The following PHLPP2 variants were observed in gnomAD, a reference collection of about 807,000 sequenced individuals.
The protein encoded by PHLPP2 is PH domain leucine-rich repeat-containing protein phosphatase 2.
A neutral mutation model predicts 124.9 loss-of-function variants in PHLPP2; 66 were observed. The observed-to-expected ratio is 0.53, with a 90% CI of 0.43 to 0.65. The LOEUF is 0.65. PHLPP2 is among the 30% of genes least tolerant of loss of function. The pLI, the probability that PHLPP2 is intolerant of heterozygous loss-of-function variation, is 0.00. For missense variants in PHLPP2, 1,685 were observed against 1,600.4 expected (o/e 1.05, Z -0.90); for synonymous variants, 681 against 624.7 (o/e 1.09, Z -1.34).
intron 2 of PHLPP2, among the ~76,000 whole-genome samples, chr16:71,713,134 T>C (rs1356897704): frequency 2.0e-5 from 3 of 152,040 alleles, no homozygotes; most frequent in Non-Finnish European, 4.4e-5. Context: ...GAAATGAAAA[T>C]TAAAATAACA....
chr16:71,685,264 T>C (rs1307738166), intron 4 of PHLPP2, among the ~76,000 whole-genome samples: 1 of 151,882 alleles, frequency 6.6e-6, no homozygotes, highest in Admixed American at 6.6e-5. Flanking sequence ...GGGGCGGAGG[T>C]TGCAGCAAGC....
At chr16:71,677,439 G>C (rs1475625010) in intron 8 of PHLPP2, 1 of 129,586 alleles carries the variant, frequency 7.7e-6, no homozygotes, top group Admixed American at 7.9e-5. Flanking sequence ...TAACAGACAA[G>C]GAAATAATCT....
In PHLPP2 at chr16:71,669,279, C is replaced by A; in HGVS notation, c.1624G>T (p.Val542Leu). 6 of 1,604,438 alleles carry A rather than the reference C, an allele frequency of 3.7e-6. No individual in the cohort carries two copies. Among genetic ancestry groups the A allele is most frequent in the Non-Finnish European group, 5.1e-6 (6 of 1,172,684 alleles). Residue 542 changes from valine (V) to leucine (L), a missense_variant, in exon 11 of 19, where the codon GTG (valine) becomes TTG (leucine). Physicochemically the swap from Val to Leu is conservative, Grantham distance 32. Transcript: ENST00000568954. ...TATGCATCCAGGCACACATACCTCA[C>A]GGGAACCTCTGTGAGAAGATTATAG... The part of the protein sequence containing the change: ...VSYNLLTEVP[V>L]RILSSLSLRK...
rs1452774723 is a variant in PHLPP2 at position 71,649,057 on chromosome 16, A to G, written c.3805T>C (p.Phe1269Leu). 1 of 1,614,022 alleles carries G rather than the reference A, an allele frequency of 6.2e-7. No homozygotes were observed. Among genetic ancestry groups the G allele is most frequent in the Non-Finnish European group, 8.5e-7 (1 of 1,180,030 alleles). The change falls in exon 19 of 19, where the codon TTT becomes CTT. Residue 1269 changes from phenylalanine (F) to leucine (L), a missense_variant. Physicochemically the swap from Phe to Leu is conservative, Grantham distance 22. Transcript: ENST00000568954. The part of the protein sequence containing the change: ...TEVPKRKTGY[F>L]AAPTQMEPED... ...GGTTCCATCTGAGTGGGGGCAGCAA[A>G]ATAGCCAGTTTTCCTCTTGGGCACT... is the stretch of plus-strand genomic sequence containing the variant.
intron 11 of PHLPP2, among the ~76,000 whole-genome samples, chr16:71,667,588 C>A (rs1181728551): frequency 1.3e-5 from 2 of 152,128 alleles, no homozygotes; most frequent in African/African-American, 4.8e-5. Flanking sequence ...GAGATCTATA[C>A]TAAAAAGGCA....
chr16:71,721,851 C>T (rs1026922065), intron 1 of PHLPP2, among the ~76,000 whole-genome samples: 2 of 152,118 alleles, frequency 1.3e-5, no homozygotes, highest in African/African-American at 4.8e-5. Flanking sequence ...TCTGGGGGCA[C>T]ATTTTGAAGG....
At chr16:71,688,333 A>G (rs573121531) in intron 4 of PHLPP2, among the ~76,000 whole-genome samples, 19 of 152,314 alleles carry the variant, frequency 1.2e-4, no homozygotes, top group Middle Eastern at 3.4e-3. Flanking sequence ...CTCTTCATCA[A>G]TTCTCTCTTT....
At chr16:71,673,818 C>T (rs2044916740) in intron 9 of PHLPP2, among the ~76,000 whole-genome samples, 1 of 152,106 alleles carries the variant, frequency 6.6e-6, no homozygotes, top group Non-Finnish European at 1.5e-5. Flanking sequence ...ACAGCTAGGA[C>T]TTACTACAAT....
rs766949539 is a variant in PHLPP2, at chr16:71,681,910, A to G, written c.736-5T>C. The stretch of plus-strand genomic sequence containing the variant: ...ACTGATTCGCTGGGACACCACCTGA[A>G]TAATGTCAAAGAGAAGAGCCTTCTG... On this transcript the variant is annotated splice_polypyrimidine_tract_variant and splice_region_variant and intron_variant, in intron 5 of 18. Transcript: ENST00000568954. The G allele has an allele frequency of 6.3e-6, 10 of 1,595,112 alleles. No homozygotes were observed. The highest frequency in any genetic ancestry group is 5.2e-5 in the Admixed American group (3 of 57,704).
intron 16 of PHLPP2, among the ~76,000 whole-genome samples, 156 bp from the exon 17 acceptor site, chr16:71,655,590 C>T (rs1207094373): frequency 6.6e-6 from 1 of 151,294 alleles, no homozygotes; most frequent in Non-Finnish European, 1.5e-5. Flanking sequence ...GCAAGCTCCA[C>T]CTCCCAGGTT....
chr16:71,671,532 T>C (rs991206163), intron 10 of PHLPP2, among the ~76,000 whole-genome samples: 5 of 151,932 alleles, frequency 3.3e-5, no homozygotes, highest in African/African-American at 1.2e-4. Flanking sequence ...GAATAAAAAG[T>C]AATAAAATCC....
At chr16:71,682,733 G>C (rs917175536) in intron 5 of PHLPP2, among the ~76,000 whole-genome samples, 2 of 152,134 alleles carry the variant, frequency 1.3e-5, no homozygotes, top group East Asian at 3.8e-4. Flanking sequence ...ACTGGGACTA[G>C]TTTTATAGCC....
chr16:71,656,700 G>C lies in PHLPP2; in HGVS notation c.2280-19C>G. Reference sequence around the variant, plus strand: ...GATATGGCTGTGGGAGGTGAAGGAAGATTAAACCATATATTCTTCTGTATT... The same window carrying C: ...GATATGGCTGTGGGAGGTGAAGGAACATTAAACCATATATTCTTCTGTATT... On this transcript the variant is annotated intron_variant, in intron 15 of 18. Transcript: ENST00000568954. 5 of 1,348,256 alleles carry C rather than the reference G, an allele frequency of 3.7e-6. No homozygotes were observed. Among genetic ancestry groups the C allele is most frequent in the Non-Finnish European group, 5.3e-6 (5 of 938,662 alleles). 83.5% of individuals were successfully genotyped at this position (1,348,256 alleles called of 1,614,324 possible).
chr16:71,681,613 G>T, intron 6 of PHLPP2, 138 bp downstream of exon 6: 2 of 607,218 alleles, frequency 3.3e-6, no homozygotes, highest in Non-Finnish European at 5.5e-6. Context: ...AGAACTCTGT[G>T]AATAAACATT....
rs2045345756 is a variant in PHLPP2, at chr16:71,714,574, T to G, written c.222A>C (p.Ser74=). ...CTCTTCCCTCTCCAGCACATATTTC[T>G]GATGCTGGTGTCTCTACAGTGCAAA... ...LVLCTVETPA[S]EICAGEGRES... The change falls in exon 2 of 19, where the codon TCA becomes TCC. Residue 74 remains serine, a synonymous_variant. Coordinates refer to ENST00000568954, the MANE Select transcript of PHLPP2 (RefSeq NM_015020.3). 6.2e-7 allele frequency: 1 copy of G among 1,614,088 alleles called. No individual in the cohort carries two copies. Among genetic ancestry groups the G allele is most frequent in the Non-Finnish European group, 8.5e-7 (1 of 1,179,950 alleles).
At chr16:71,655,476 G>T in intron 16 of PHLPP2, 42 bp from the exon 17 acceptor site, 4 of 1,384,200 alleles carry the variant, frequency 2.9e-6, no homozygotes, top group Non-Finnish European at 3.0e-6. Context: ...AAAGTTACTG[G>T]TAAAATATTA....
chr16:71,672,237 C>A (rs752253730), intron 10 of PHLPP2, 25 bp downstream of exon 10: 1 of 1,588,562 alleles, frequency 6.3e-7, no homozygotes, highest in South Asian at 1.1e-5. Flanking sequence ...AAGAAGCAAG[C>A]GCCACCCTCA....
At chr16:71,721,152 G>GT (rs774279284) in intron 1 of PHLPP2, among the ~76,000 whole-genome samples, 20 of 150,698 alleles carry the variant, frequency 1.3e-4, no homozygotes, top group Non-Finnish European at 2.5e-4. Flanking sequence ...AGGCAACAAG[G>GT]TAAGACCTCA....
chr16:71,663,858 T>C (rs755505496), intron 13 of PHLPP2, 41 bp downstream of exon 13: 4 of 1,396,238 alleles, frequency 2.9e-6, no homozygotes, highest in Non-Finnish European at 4.1e-6. Context: ...ATAGAATTAA[T>C]GTTGTGTATT....
Sources: gnomAD v4.1 joint callset for allele counts (sites outside exome capture counted in the v4.1 genomes callset) on GRCh38, gnomAD v4.1.1 for gene constraint, MANE v1.5 for transcripts, NCBI Gene and HGNC (gene_info 2026-07-23, HGNC 2026-07-21) for gene names.